Variants in WDR64 observed in about 807,000 individuals in gnomAD.
WDR64 encodes WD repeat-containing protein 64.
A neutral mutation model predicts 139.3 loss-of-function variants in WDR64; 112 were observed. The ratio of observed to expected loss-of-function variants is 0.80; its 90% CI spans 0.69 to 0.94. The LOEUF (loss-of-function observed/expected upper bound fraction) is 0.94, where lower values mean the gene tolerates loss of function less well. Among genes scored for constraint, WDR64 ranks in the 40% least tolerant of loss-of-function variants. The probability of loss-of-function intolerance (pLI) is 0.00; values close to 1 mark genes in which losing one functional copy is unlikely to be tolerated. For missense variants in WDR64, 1,206 were observed against 1,293.1 expected (o/e 0.93, Z 1.03); for synonymous variants, 444 against 437.7 (o/e 1.01, Z -0.18).
intron 8 of WDR64, among the ~76,000 whole-genome samples, chr1:241,708,151 G>C (rs903567406): frequency 6.6e-6 from 1 of 152,152 alleles, no homozygotes; most frequent in South Asian, 2.1e-4. Context: ...ACTCCAGGGG[G>C]TATGCAAGAT....
At chr1:241,728,080 C>T (rs779072652) in intron 10 of WDR64, among the ~76,000 whole-genome samples, 9 of 152,040 alleles carry the variant, frequency 5.9e-5, no homozygotes, top group Non-Finnish European at 1.2e-4. Context: ...TGCCTGTAAT[C>T]CCAGCACTTT....
intron 25 of WDR64, among the ~76,000 whole-genome samples, chr1:241,793,170 G>T (rs1659256552): frequency 6.6e-6 from 1 of 152,110 alleles, no homozygotes; most frequent in Admixed American, 6.5e-5. Context: ...TCAAAAATAG[G>T]CAAAACAAAA....
At chr1:241,771,558 C>A in intron 18 of WDR64, 103 bp from the exon 19 acceptor site, 1 of 802,884 alleles carries the variant, frequency 1.2e-6, no homozygotes, top group Non-Finnish European at 1.8e-6. Flanking sequence ...AAAAGTAATG[C>A]TTAGAAATGA....
intron 3 of WDR64, 137 bp downstream of exon 3, chr1:241,671,313 G>GT (rs1666219087): frequency 3.2e-6 from 2 of 627,718 alleles, no homozygotes; most frequent in Non-Finnish European, 5.4e-6. Flanking sequence ...GTCGGGGGTG[G>GT]TGAGAGTTTC....
chr1:241,772,451 C>CTTTTTTTTTTTTTTTTTT lies in WDR64; in HGVS notation c.2291-329_2291-312dup, dbSNP rs534177884. On this transcript the variant is annotated intron_variant, in intron 19 of 27. Coordinates refer to ENST00000437684, the MANE Select transcript of WDR64 (RefSeq NM_001367482.1). The stretch of plus-strand genomic sequence containing the variant: ...AGTATTGCAAATTCCAAGATAGATC[C>CTTTTTTTTTTTTTTTTTT]TTTTTTTTTTTTTTTTTTTTTTTTT... Among the ~76,000 whole-genome samples, 14 of 59,054 alleles carry CTTTTTTTTTTTTTTTTTT rather than the reference C, an allele frequency of 2.4e-4. 4 individuals carry two copies. Among genetic ancestry groups the CTTTTTTTTTTTTTTTTTT allele is most frequent in the Non-Finnish European group, 3.6e-4 (12 of 33,488 alleles). 38.7% of individuals were successfully genotyped at this position (59,054 alleles called of 152,430 possible).
At chr1:241,705,563 AATAATAATAATAATAAT>A (rs1325624580) in intron 8 of WDR64, among the ~76,000 whole-genome samples, 2 of 63,202 alleles carry the variant, frequency 3.2e-5, no homozygotes, top group Non-Finnish European at 7.5e-5. Flanking sequence ...ATAAATAAAT[AATAATAATAATAATAAT>A]AATAATAATA....
intron 8 of WDR64, among the ~76,000 whole-genome samples, chr1:241,691,051 G>C (rs1667256241): frequency 1.3e-5 from 2 of 152,008 alleles, no homozygotes; most frequent in Non-Finnish European, 2.9e-5. Flanking sequence ...TAATATACTT[G>C]TACTGCCTGT....
chr1:241,659,894 A>C (rs1665755211), intron 1 of WDR64, among the ~76,000 whole-genome samples: 1 of 152,174 alleles, frequency 6.6e-6, no homozygotes, highest in Admixed American at 6.6e-5. Context: ...TTTGCTGTGC[A>C]GAAGCTCTTA....
intron 5 of WDR64, among the ~76,000 whole-genome samples, chr1:241,678,860 G>GAAAAAAAAAA (rs58075238): frequency 1.5e-4 from 5 of 33,618 alleles, no homozygotes; most frequent in South Asian, 2.3e-3. Context: ...TTCTTAAACT[G>GAAAAAAAAAA]AAAAAAAAAA....
intron 16 of WDR64, among the ~76,000 whole-genome samples, chr1:241,766,632 T>C (rs771256429): frequency 3.3e-5 from 5 of 149,894 alleles, no homozygotes; most frequent in Admixed American, 1.3e-4. Flanking sequence ...ACCTGGGAGG[T>C]GGAGGTAGCA....
intron 8 of WDR64, among the ~76,000 whole-genome samples, chr1:241,706,385 A>G (rs1008898756): frequency 6.6e-6 from 1 of 152,260 alleles, no homozygotes; most frequent in Non-Finnish European, 1.5e-5. Context: ...AAGACAGGGT[A>G]AAAGAAAATA....
intron 9 of WDR64, among the ~76,000 whole-genome samples, chr1:241,715,057 A>G (rs1364812665): frequency 6.6e-6 from 1 of 152,188 alleles, no homozygotes; most frequent in African/African-American, 2.4e-5. Context: ...CAAAACATTA[A>G]TTGTCCACAA....
At chr1:241,796,166 G>A in intron 26 of WDR64, 91 bp from the exon 27 acceptor site, 1 of 685,616 alleles carries the variant, frequency 1.5e-6, no homozygotes, top group Admixed American at 2.7e-5. Flanking sequence ...TGAAGCAGCT[G>A]GGCCTTCTCA....
At chr1:241,791,623 G>T (rs149798567) in intron 25 of WDR64, among the ~76,000 whole-genome samples, 31 of 152,118 alleles carry the variant, frequency 2.0e-4, no homozygotes, top group Middle Eastern at 6.8e-3. Flanking sequence ...AGTGAGCTAT[G>T]ATCCCACCAC....
chr1:241,675,006 T>C, intron 4 of WDR64, among the ~76,000 whole-genome samples: 3 of 32,312 alleles, frequency 9.3e-5, no homozygotes, highest in Non-Finnish European at 2.6e-4. Flanking sequence ...CCTCCCTCTC[T>C]TCCTTCCTTT....
At chr1:241,725,694 C>G (rs1341634646) in intron 10 of WDR64, among the ~76,000 whole-genome samples, 1 of 152,082 alleles carries the variant, frequency 6.6e-6, no homozygotes, top group Non-Finnish European at 1.5e-5. Context: ...GCAGGATTCC[C>G]CAGCAGGCCA....
chr1:241,794,042 A>G (rs1477112745), intron 25 of WDR64, among the ~76,000 whole-genome samples: 1 of 151,956 alleles, frequency 6.6e-6, no homozygotes, highest in Non-Finnish European at 1.5e-5. Flanking sequence ...TTAGCTGGGC[A>G]TGGTGGCAGG....
intron 8 of WDR64, among the ~76,000 whole-genome samples, chr1:241,688,960 T>C (rs547776897): frequency 5.3e-5 from 8 of 152,270 alleles, no homozygotes; most frequent in African/African-American, 1.9e-4. Flanking sequence ...TGTTGTTCTT[T>C]CCAAGGTATG....
At chr1:241,770,305 C>T in intron 17 of WDR64, 1 of 236,222 alleles carries the variant, frequency 4.2e-6, no homozygotes, top group Non-Finnish European at 8.1e-6. Flanking sequence ...CCCACCACCA[C>T]CCCACCCCTT....
Sources: allele counts gnomAD v4.1 joint callset (sites outside exome capture counted in the v4.1 genomes callset), GRCh38; gene constraint gnomAD v4.1.1; transcripts MANE v1.5; gene names NCBI Gene and HGNC (gene_info 2026-07-23, HGNC 2026-07-21).